The following ACYP2 variants were observed in gnomAD, a reference collection of about 807,000 sequenced individuals.
ACYP2 encodes acylphosphatase-2.
In ACYP2, 12 loss-of-function variants were observed where a neutral mutation model predicts 11.2. That is an observed-to-expected ratio of 1.08 (90% CI 0.69 to 1.74). ACYP2 has a LOEUF of 1.74. ACYP2 is among the 40% of genes most tolerant of loss of function. The pLI, the probability that ACYP2 is intolerant of heterozygous loss-of-function variation, is 0.00. For synonymous variants in ACYP2, 43 were observed against 32.2 expected, an observed-to-expected ratio of 1.33 and a Z score of -1.13; for missense variants, 134 against 101.9, an observed-to-expected ratio of 1.31 and a Z score of -1.35.
At chr2:54,301,257 T>C (rs901657979) in intron 6 of ACYP2, among the ~76,000 whole-genome samples, 2 of 152,318 alleles carry the variant, frequency 1.3e-5, no homozygotes, top group African/African-American at 4.8e-5. Flanking sequence ...CAGGCTTAAA[T>C]TGGCATTTCC....
chr2:54,167,464 G>C (rs536504889), intron 6 of ACYP2, among the ~76,000 whole-genome samples: 4 of 152,208 alleles, frequency 2.6e-5, no homozygotes, highest in African/African-American at 9.6e-5. Flanking sequence ...AGAGAATAGC[G>C]TAATACCCAC....
chr2:54,058,890 C>G (rs1209458138), intron 4 of ACYP2, among the ~76,000 whole-genome samples: 1 of 152,080 alleles, frequency 6.6e-6, no homozygotes, highest in Admixed American at 6.6e-5. Flanking sequence ...GGGCAGACAT[C>G]TTTCCACCCA....
intron 2 of ACYP2, among the ~76,000 whole-genome samples, chr2:53,991,755 TC>T (rs1381234570): frequency 6.6e-6 from 1 of 152,128 alleles, no homozygotes; most frequent in African/African-American, 2.4e-5. Flanking sequence ...CTCCAGGCAC[TC>T]CGACCTTCTC....
chr2:54,051,649 G>A (rs1675872766), intron 3 of ACYP2: 2 of 729,462 alleles, frequency 2.7e-6, no homozygotes, highest in Non-Finnish European at 2.5e-6. Flanking sequence ...AGAAGGCTGC[G>A]AAGTTGAAGG....
chr2:54,029,680 G>A, intron 2 of ACYP2: 1 of 488,762 alleles, frequency 2.0e-6, no homozygotes, highest in Non-Finnish European at 3.9e-6. Context: ...TGCTTAAAGT[G>A]CTTAATACCC....
intron 2 of ACYP2, among the ~76,000 whole-genome samples, chr2:53,997,451 A>G (rs1224260308): frequency 6.6e-6 from 1 of 152,072 alleles, no homozygotes; most frequent in African/African-American, 2.4e-5. Context: ...GACTATAGGC[A>G]TGCACCACCA....
At position 54,305,111 on chromosome 2, in the gene ACYP2, G is replaced by C. The variant is rs911278043; in HGVS notation, c.*309G>C. 1 of 181,358 alleles carries C rather than the reference G, an allele frequency of 5.5e-6. No homozygotes were observed. The highest frequency in any genetic ancestry group is 2.3e-5 in the African/African-American group (1 of 42,646). 11.2% of individuals were successfully genotyped at this position (181,358 alleles called of 1,614,324 possible). ...TTACAGCATATATATGTTATTTGGCGAGACATCAAATAAAGTTAACCATTT... is the reference window on the plus strand; with the variant it reads ...TTACAGCATATATATGTTATTTGGCCAGACATCAAATAAAGTTAACCATTT... On this transcript the variant is annotated 3_prime_UTR_variant, in exon 7 of 7. Transcript: ENST00000607452.
At chr2:54,097,651 C>A (rs754452072) in intron 4 of ACYP2, among the ~76,000 whole-genome samples, 3 of 151,274 alleles carry the variant, frequency 2.0e-5, no homozygotes, top group Non-Finnish European at 1.5e-5. Flanking sequence ...CAATTTGCAA[C>A]ATTTGGCCAG....
chr2:54,083,252 G>A (rs1040905305), intron 4 of ACYP2, among the ~76,000 whole-genome samples: 2 of 152,148 alleles, frequency 1.3e-5, no homozygotes, highest in Admixed American at 1.3e-4. Context: ...GTCAGTTTGC[G>A]AATGATGTCT....
At chr2:54,001,165 G>T (rs1672775971) in intron 2 of ACYP2, among the ~76,000 whole-genome samples, 1 of 152,086 alleles carries the variant, frequency 6.6e-6, no homozygotes, top group Non-Finnish European at 1.5e-5. Flanking sequence ...GACCAGCCTG[G>T]ACAACATAGT....
At chr2:54,275,918 A>G (rs151297463) in intron 6 of ACYP2, among the ~76,000 whole-genome samples, 8 of 152,300 alleles carry the variant, frequency 5.3e-5, no homozygotes, top group African/African-American at 1.4e-4. Flanking sequence ...CCCTAATTAT[A>G]TGTATGATAG....
chr2:54,094,889 C>A (rs531300200), intron 4 of ACYP2, among the ~76,000 whole-genome samples: 4 of 151,316 alleles, frequency 2.6e-5, no homozygotes, highest in African/African-American at 9.7e-5. Context: ...TTTTTTTAAA[C>A]TTCCTTTTTT....
At chr2:54,103,660 T>C (rs1370266122) in intron 4 of ACYP2, among the ~76,000 whole-genome samples, 1 of 152,206 alleles carries the variant, frequency 6.6e-6, no homozygotes, top group African/African-American at 2.4e-5. Flanking sequence ...GGGCCATTGA[T>C]TTTCTTCCTA....
intron 6 of ACYP2, among the ~76,000 whole-genome samples, chr2:54,182,286 CTGCCCTCA>C (rs1416174147): frequency 6.6e-6 from 1 of 151,776 alleles, no homozygotes; most frequent in Admixed American, 6.6e-5. Flanking sequence ...TCTCAAACTC[CTGCCCTCA>C]TGATCCACCC....
rs184856085 is a variant in ACYP2, at chr2:54,150,303, C to T, written c.404+11555C>T. 1.5e-3 allele frequency among the ~76,000 whole-genome samples: 225 copies of T among 152,320 alleles called. 2 individuals are homozygous for T. The highest frequency in any genetic ancestry group is 6.2e-3 in the South Asian group (30 of 4,822). On this transcript the variant is annotated intron_variant, in intron 6 of 6. Transcript: ENST00000607452. ...CTTCTACAGAAAAGGGTTTGCTGCT[C>T]ACTGTATAACAGCTGTCAGACAAGC...
intron 6 of ACYP2, among the ~76,000 whole-genome samples, chr2:54,224,164 T>G (rs1333351981): frequency 6.6e-6 from 1 of 152,222 alleles, no homozygotes; most frequent in Non-Finnish European, 1.5e-5. Flanking sequence ...CTCAGTCACT[T>G]TCCAAGTCCC....
At chr2:54,152,884 A>G (rs1387756514) in intron 6 of ACYP2, among the ~76,000 whole-genome samples, 2 of 152,118 alleles carry the variant, frequency 1.3e-5, no homozygotes, top group African/African-American at 4.8e-5. Flanking sequence ...GGCTGGTCTC[A>G]AAACCTGGCC....
Position 54,048,398 on chromosome 2 carries a change from C to T in ACYP2, c.63-2560C>T, listed in dbSNP as rs941919576. ...TGGTGATTGTGCCACTACATTCCAG[C>T]CTGAGTGATGGAGTGAGTTTTGTCT... is the stretch of plus-strand genomic sequence containing the variant. On this transcript the variant is annotated intron_variant, in intron 2 of 6. Transcript: ENST00000607452. Among the ~76,000 whole-genome samples, 8 of 152,000 alleles carry T rather than the reference C, an allele frequency of 5.3e-5. 1 individual carries two copies. Among genetic ancestry groups the T allele is most frequent in the Admixed American group, 3.9e-4 (6 of 15,258 alleles).
At chr2:54,304,536 G>T in intron 6 of ACYP2, 152 bp from the exon 4 acceptor site, 1 of 564,472 alleles carries the variant, frequency 1.8e-6, no homozygotes, top group South Asian at 2.5e-5. Context: ...TTCTTAGAGT[G>T]ATATATACAA....
Sources: gnomAD v4.1 joint callset for allele counts (sites outside exome capture counted in the v4.1 genomes callset) on GRCh38, gnomAD v4.1.1 for gene constraint, MANE v1.5 for transcripts, NCBI Gene and HGNC (gene_info 2026-07-23, HGNC 2026-07-21) for gene names.